RAB10: variants seen among roughly 807,000 people sequenced by gnomAD.
RAB10 encodes the protein ras-related protein Rab-10.
Under a neutral mutation model 25.7 loss-of-function variants are expected in RAB10, and 5 were observed. The ratio of observed to expected loss-of-function variants is 0.19; its 90% CI spans 0.10 to 0.41. The LOEUF is 0.41. Ranked by LOEUF, RAB10 falls within the 10% of genes least tolerant of loss-of-function variation. RAB10 has a pLI of 1.00. For missense variants in RAB10, 103 were observed against 245.8 expected, an observed-to-expected ratio of 0.42 and a Z score of 3.89; for synonymous variants, 89 against 86.4, an observed-to-expected ratio of 1.03 and a Z score of -0.16.
intron 5 of RAB10, among the ~76,000 whole-genome samples, chr2:26,134,476 T>C (rs1356259804): frequency 6.6e-6 from 1 of 152,218 alleles, no homozygotes; most frequent in Non-Finnish European, 1.5e-5. Context: ...CCTTTTCACT[T>C]AATCAGTTGA....
In RAB10 at chr2:26,117,122, C is replaced by T. The variant is rs573576980; in HGVS notation, c.327+7216C>T. On this transcript the variant is annotated intron_variant, in intron 3 of 5. Coordinates refer to ENST00000264710, the MANE Select transcript of RAB10 (RefSeq NM_016131.5). ...GCATATGACATTCTGTGGACAAATA[C>T]GTTAAATAGGTATTTTTATTCAATT... Among the ~76,000 whole-genome samples, 7 of 152,192 alleles carry T rather than the reference C, an allele frequency of 4.6e-5. No individual in the cohort carries two copies. The East Asian group carries it at 1.2e-3, about 25-fold the overall frequency.
At chr2:26,085,973 T>G (rs1199454593) in intron 1 of RAB10, among the ~76,000 whole-genome samples, 1 of 107,786 alleles carries the variant, frequency 9.3e-6, no homozygotes, top group East Asian at 3.2e-4. Flanking sequence ...CACTCCAGCC[T>G]GGGCAACAAG....
chr2:26,042,933 G>C (rs1665922849), intron 1 of RAB10, among the ~76,000 whole-genome samples: 1 of 152,012 alleles, frequency 6.6e-6, no homozygotes. Flanking sequence ...ATTTAGGATA[G>C]TTATAACAAC....
At position 26,132,858 on chromosome 2, in the gene RAB10, C is replaced by T. The variant is rs148667021; in HGVS notation, c.520-2080C>T. Among the ~76,000 whole-genome samples the T allele has an allele frequency of 2.6e-3, 380 of 144,922 alleles. 2 individuals carry two copies. Among genetic ancestry groups the T allele is most frequent in the African/African-American group, 9.3e-3 (365 of 39,356 alleles). ...TAGGAGCCTCCCTGGTTGTCTTTAACCTGACTCATACCTGGAAGTTCCCAG... is the reference window on the plus strand; with the variant it reads ...TAGGAGCCTCCCTGGTTGTCTTTAATCTGACTCATACCTGGAAGTTCCCAG... On this transcript the variant is annotated intron_variant, in intron 5 of 5. Coordinates refer to ENST00000264710, the MANE Select transcript of RAB10 (RefSeq NM_016131.5).
At chr2:26,060,101 A>G (rs1262993439) in intron 1 of RAB10, among the ~76,000 whole-genome samples, 1 of 152,194 alleles carries the variant, frequency 6.6e-6, no homozygotes, top group African/African-American at 2.4e-5. Flanking sequence ...TTAATTGGCA[A>G]GAGTCTGAAG....
intron 1 of RAB10, among the ~76,000 whole-genome samples, chr2:26,065,096 C>T (rs1051338627): frequency 3.3e-5 from 5 of 152,132 alleles, no homozygotes; most frequent in Non-Finnish European, 4.4e-5. Flanking sequence ...TAATAAGTCA[C>T]ATGGTCATTC....
chr2:26,039,091 C>T (rs894857036), intron 1 of RAB10, among the ~76,000 whole-genome samples: 6 of 144,018 alleles, frequency 4.2e-5, no homozygotes, highest in Non-Finnish European at 6.0e-5. Context: ...GCAGTCTTGG[C>T]TCACTGCAAC....
At chr2:26,073,586 A>C (rs1397391171) in intron 1 of RAB10, among the ~76,000 whole-genome samples, 2 of 152,116 alleles carry the variant, frequency 1.3e-5, no homozygotes, top group Non-Finnish European at 2.9e-5. Flanking sequence ...CTTGCAAGGG[A>C]GTCTGGGAAA....
At chr2:26,066,605 C>G (rs1666515993) in intron 1 of RAB10, among the ~76,000 whole-genome samples, 1 of 151,962 alleles carries the variant, frequency 6.6e-6, no homozygotes, top group Non-Finnish European at 1.5e-5. Flanking sequence ...AGCGAAGCCC[C>G]TTACAAAACC....
chr2:26,128,043 T>C (rs1667938026), intron 5 of RAB10, 92 bp downstream of exon 5: 2 of 1,120,012 alleles, frequency 1.8e-6, no homozygotes, highest in Non-Finnish European at 2.7e-6. Flanking sequence ...ATACAGAATT[T>C]GAGTTTGGGT....
intron 1 of RAB10, among the ~76,000 whole-genome samples, chr2:26,066,979 T>C (rs1666527550): frequency 6.6e-6 from 1 of 151,928 alleles, no homozygotes; most frequent in African/African-American, 2.4e-5. Context: ...ATGGGGTTTA[T>C]CCACATTGGC....
Position 26,136,864 on chromosome 2 carries a change from T to TTAC in RAB10, c.*1849_*1851dup, listed in dbSNP as rs1198382498. 6.6e-6 allele frequency: 1 copy of TTAC among 152,586 alleles called. No individual in the cohort carries two copies. 9.5% of individuals were successfully genotyped at this position (152,586 alleles called of 1,614,324 possible). On this transcript the variant is annotated 3_prime_UTR_variant, in exon 6 of 6. Transcript: ENST00000264710. ...TTCCCACACTTGACTTTATCATTGT[T>TTAC]TACTACTAGTAAAAAGCAGCATTGC...
At chr2:26,081,103 C>T (rs1005549698) in intron 1 of RAB10, among the ~76,000 whole-genome samples, 6 of 152,076 alleles carry the variant, frequency 3.9e-5, no homozygotes, top group African/African-American at 1.4e-4. Flanking sequence ...TGGAAGTTTC[C>T]CTGCACAAGC....
At chr2:26,061,406 T>C (rs1666391708) in intron 1 of RAB10, among the ~76,000 whole-genome samples, 1 of 152,064 alleles carries the variant, frequency 6.6e-6, no homozygotes, top group African/African-American at 2.4e-5. Flanking sequence ...TGTGAGCCAC[T>C]GTGCCCAGCC....
intron 1 of RAB10, among the ~76,000 whole-genome samples, chr2:26,076,470 A>G (rs1035565069): frequency 4.6e-5 from 7 of 152,148 alleles, no homozygotes; most frequent in Non-Finnish European, 1.0e-4. Flanking sequence ...ATTACTCTCA[A>G]TGATCTCCTC....
chr2:26,036,487 C>G (rs1253263809), intron 1 of RAB10, among the ~76,000 whole-genome samples: 1 of 151,960 alleles, frequency 6.6e-6, no homozygotes, highest in East Asian at 2.0e-4. Flanking sequence ...GGTGAAACCC[C>G]GTTTTTACTA....
At chr2:26,115,649 TTAG>T (rs1667668071) in intron 3 of RAB10, among the ~76,000 whole-genome samples, 1 of 152,068 alleles carries the variant, frequency 6.6e-6, no homozygotes, top group Non-Finnish European at 1.5e-5. Context: ...TATTATAAAG[TTAG>T]TAGTGGTGAT....
intron 3 of RAB10, among the ~76,000 whole-genome samples, chr2:26,122,212 A>G (rs1017900934): frequency 1.3e-5 from 2 of 152,224 alleles, no homozygotes; most frequent in African/African-American, 4.8e-5. Context: ...AATAAAAGAA[A>G]ATTTGTGAAG....
At chr2:26,070,845 G>A (rs557366980) in intron 1 of RAB10, among the ~76,000 whole-genome samples, 1 of 152,226 alleles carries the variant, frequency 6.6e-6, no homozygotes, top group South Asian at 2.1e-4. Flanking sequence ...TTTTCAACAT[G>A]TGGATCCCCA....
Sources: gnomAD v4.1 joint callset for allele counts (sites outside exome capture counted in the v4.1 genomes callset) on GRCh38, gnomAD v4.1.1 for gene constraint, MANE v1.5 for transcripts, NCBI Gene and HGNC (gene_info 2026-07-23, HGNC 2026-07-21) for gene names.